Variants in DNAJC1 observed in about 807,000 individuals in gnomAD.
The protein encoded by DNAJC1 is dnaJ homolog subfamily C member 1.
In DNAJC1, 58 loss-of-function variants were observed where a neutral mutation model predicts 76.6. The observed-to-expected ratio is 0.76, with a 90% CI of 0.61 to 0.94. The LOEUF (loss-of-function observed/expected upper bound fraction) is 0.94, where lower values mean the gene tolerates loss of function less well. DNAJC1 is among the 40% of genes least tolerant of loss of function. DNAJC1 has a pLI of 0.00. For synonymous variants in DNAJC1, 258 were observed against 267.9 expected, an observed-to-expected ratio of 0.96 and a Z score of 0.36; for missense variants, 689 against 677.3, an observed-to-expected ratio of 1.02 and a Z score of -0.19.
At chr10:21,874,341 G>C (rs1027832366) in intron 8 of DNAJC1, among the ~76,000 whole-genome samples, 1 of 151,882 alleles carries the variant, frequency 6.6e-6, no homozygotes, top group African/African-American at 2.4e-5. Context: ...TTGAGTCCAG[G>C]AGATTTAAGT....
At chr10:21,915,862 G>T (rs1836945076) in intron 6 of DNAJC1, among the ~76,000 whole-genome samples, 1 of 145,340 alleles carries the variant, frequency 6.9e-6, no homozygotes, top group Non-Finnish European at 1.5e-5. Flanking sequence ...AAAAAAAAAA[G>T]TCTGGCTTGG....
chr10:21,910,471 T>C (rs1199355327), intron 6 of DNAJC1, among the ~76,000 whole-genome samples: 2 of 152,152 alleles, frequency 1.3e-5, no homozygotes, highest in African/African-American at 2.4e-5. Context: ...GCACTGTTTA[T>C]AATGTTTTGG....
intron 1 of DNAJC1, among the ~76,000 whole-genome samples, chr10:21,966,473 C>A (rs1333792797): frequency 6.7e-6 from 1 of 149,860 alleles, no homozygotes; most frequent in Non-Finnish European, 1.5e-5. Flanking sequence ...CCTTTGTTAA[C>A]TGGGATTCTA....
intron 6 of DNAJC1, among the ~76,000 whole-genome samples, chr10:21,906,591 AAGT>A (rs1836750117): frequency 6.6e-6 from 1 of 152,158 alleles, no homozygotes; most frequent in African/African-American, 2.4e-5. Flanking sequence ...AGGTAAAAGA[AAGT>A]AGGCTGAAAT....
At position 21,999,579 on chromosome 10, in the gene DNAJC1, C is replaced by T. The variant is rs1048330665; in HGVS notation, c.222+3634G>A. On this transcript the variant is annotated intron_variant, in intron 1 of 11. Transcript: ENST00000376980. ...CAAGCAGTTCTCTACCTCAGCCTCCCGAGTAGCTGGGATTCCAGGCGCCTG... is the reference window on the plus strand; with the variant it reads ...CAAGCAGTTCTCTACCTCAGCCTCCTGAGTAGCTGGGATTCCAGGCGCCTG... Among the ~76,000 whole-genome samples, 19 of 152,112 alleles carry T rather than the reference C, an allele frequency of 1.2e-4. No homozygotes were observed. The East Asian group carries it at 3.7e-3, about 30-fold the overall frequency.
At chr10:21,774,343 G>A (rs1328438901) in intron 9 of DNAJC1, among the ~76,000 whole-genome samples, 7 of 152,018 alleles carry the variant, frequency 4.6e-5, no homozygotes, top group Admixed American at 3.3e-4. Flanking sequence ...TTTCATTTGA[G>A]GTCAACTGGC....
At chr10:21,932,933 G>A (rs993586457) in intron 1 of DNAJC1, among the ~76,000 whole-genome samples, 16 of 152,148 alleles carry the variant, frequency 1.1e-4, no homozygotes, top group African/African-American at 3.6e-4. Flanking sequence ...GCTGAATGGG[G>A]TAAGGGGTAG....
intron 1 of DNAJC1, among the ~76,000 whole-genome samples, chr10:21,957,287 G>T (rs1174802623): frequency 6.6e-6 from 1 of 152,066 alleles, no homozygotes; most frequent in Non-Finnish European, 1.5e-5. Context: ...TTTAAAGAAA[G>T]CATGGAAGAA....
chr10:21,976,020 T>C (rs968488192), intron 1 of DNAJC1, among the ~76,000 whole-genome samples: 1 of 152,140 alleles, frequency 6.6e-6, no homozygotes, highest in Admixed American at 6.5e-5. Flanking sequence ...AATCTTAAAA[T>C]GCACTGAAGA....
At chr10:21,776,915 A>C (rs1834459666) in intron 9 of DNAJC1, among the ~76,000 whole-genome samples, 1 of 152,188 alleles carries the variant, frequency 6.6e-6, no homozygotes, top group African/African-American at 2.4e-5. Context: ...TATTCACCAT[A>C]TTATTCTCTT....
At chr10:21,820,676 T>A (rs1402534585) in intron 8 of DNAJC1, among the ~76,000 whole-genome samples, 1 of 152,140 alleles carries the variant, frequency 6.6e-6, no homozygotes, top group African/African-American at 2.4e-5. Context: ...CCCCAGACCC[T>A]CCAACCCGAT....
intron 8 of DNAJC1, among the ~76,000 whole-genome samples, chr10:21,839,318 T>C (rs981451400): frequency 6.6e-6 from 1 of 152,184 alleles, no homozygotes; most frequent in Non-Finnish European, 1.5e-5. Context: ...AGGAGCTGGT[T>C]TGTTGAAAAG....
chr10:21,966,250 C>G (rs1165409337), intron 1 of DNAJC1, among the ~76,000 whole-genome samples: 1 of 152,118 alleles, frequency 6.6e-6, no homozygotes, highest in African/African-American at 2.4e-5. Context: ...ACACTGTTCA[C>G]TTGGTTAAAG....
rs45571136 is a variant in DNAJC1 at position 21,979,694 on chromosome 10, T to A, written c.222+23519A>T. ...AGACAGAATACCTGTAAAGGAGATATCCTTATTTATAATTTTTCTTTTTTT... is the reference window on the plus strand; with the variant it reads ...AGACAGAATACCTGTAAAGGAGATAACCTTATTTATAATTTTTCTTTTTTT... On this transcript the variant is annotated intron_variant, in intron 1 of 11. Coordinates refer to ENST00000376980, the MANE Select transcript of DNAJC1 (RefSeq NM_022365.4). 8.6e-3 allele frequency among the ~76,000 whole-genome samples: 1,308 copies of A among 151,738 alleles called. 11 individuals carry two copies. Among genetic ancestry groups the A allele is most frequent in the Non-Finnish European group, 0.015 (1,012 of 67,816 alleles).
intron 6 of DNAJC1, among the ~76,000 whole-genome samples, chr10:21,914,466 C>T (rs139691013): frequency 6.6e-6 from 1 of 152,294 alleles, no homozygotes; most frequent in East Asian, 1.9e-4. Context: ...TTTATTTCTA[C>T]CATTCCTAAC....
chr10:21,875,254 C>G (rs1441326434), intron 8 of DNAJC1, among the ~76,000 whole-genome samples: 2 of 152,164 alleles, frequency 1.3e-5, no homozygotes, highest in South Asian at 2.1e-4. Context: ...CTCCTGGACT[C>G]AAGAGATCCT....
intron 7 of DNAJC1, among the ~76,000 whole-genome samples, chr10:21,882,927 C>T (rs188591994): frequency 6.6e-6 from 1 of 152,064 alleles, no homozygotes; most frequent in Admixed American, 6.5e-5. Context: ...AGTTATGAAT[C>T]GATGGCCATC....
At chr10:21,878,394 C>T (rs899873873) in intron 8 of DNAJC1, among the ~76,000 whole-genome samples, 2 of 152,186 alleles carry the variant, frequency 1.3e-5, no homozygotes, top group African/African-American at 4.8e-5. Context: ...AGTAGGTACA[C>T]TGTGTGCTAC....
At chr10:21,896,256 T>C (rs1337321718) in intron 7 of DNAJC1, among the ~76,000 whole-genome samples, 2 of 152,116 alleles carry the variant, frequency 1.3e-5, no homozygotes, top group Non-Finnish European at 1.5e-5. Context: ...CAGCCTGTGA[T>C]AGCTGCTCTG....
Sources: allele counts gnomAD v4.1 joint callset (sites outside exome capture counted in the v4.1 genomes callset), GRCh38; gene constraint gnomAD v4.1.1; transcripts MANE v1.5; gene names NCBI Gene and HGNC (gene_info 2026-07-23, HGNC 2026-07-21).